Variants in RERE observed in about 807,000 individuals in gnomAD.
RERE encodes arginine-glutamic acid dipeptide repeats protein.
RERE carries 40 observed loss-of-function variants against 146.1 expected under a neutral mutation model. The ratio of observed to expected loss-of-function variants is 0.27; its 90% confidence interval spans 0.21 to 0.36. The LOEUF is 0.36. Among genes scored for constraint, RERE ranks in the 10% least tolerant of loss-of-function variants. RERE has a pLI of 1.00. For synonymous variants in RERE, 1,003 were observed against 866.0 expected (o/e 1.16, Z -2.78); for missense variants, 1,933 against 2,138.7 (o/e 0.90, Z 1.90).
chr1:8,514,725 C>T (rs552834451), intron 7 of RERE, among the ~76,000 whole-genome samples: 182 of 149,630 alleles, frequency 1.2e-3, no homozygotes, highest in African/African-American at 4.1e-3. Flanking sequence ...AATGAAACTC[C>T]GCCTCAAAAA....
intron 11 of RERE, among the ~76,000 whole-genome samples, chr1:8,451,205 TG>T (rs1644386592): frequency 1.3e-5 from 2 of 151,846 alleles, no homozygotes; most frequent in South Asian, 2.1e-4. Context: ...CTGAGGCGGG[TG>T]GATCACTTGA....
At chr1:8,642,098 G>A (rs1429997752) in intron 2 of RERE, among the ~76,000 whole-genome samples, 1 of 152,184 alleles carries the variant, frequency 6.6e-6, no homozygotes, top group Non-Finnish European at 1.5e-5. Context: ...TTTTATAGTT[G>A]AAAGAATTTG....
chr1:8,616,571 TAG>T (rs1036487713), intron 3 of RERE, among the ~76,000 whole-genome samples: 16 of 152,176 alleles, frequency 1.1e-4, no homozygotes, highest in African/African-American at 3.6e-4. Context: ...TTAGAATACC[TAG>T]AGTTTTCTGC....
At chr1:8,394,202 T>C (rs1642976767) in intron 12 of RERE, among the ~76,000 whole-genome samples, 2 of 152,182 alleles carry the variant, frequency 1.3e-5, no homozygotes, top group East Asian at 1.9e-4. Flanking sequence ...AGAGCTGAAA[T>C]CCAATGTAAA....
At chr1:8,602,807 G>A in intron 4 of RERE, among the ~76,000 whole-genome samples, 2 of 151,666 alleles carry the variant, frequency 1.3e-5, no homozygotes, top group Non-Finnish European at 2.9e-5. Flanking sequence ...TAATTTATTG[G>A]TTTAAAAGAA....
intron 1 of RERE, among the ~76,000 whole-genome samples, chr1:8,770,007 C>T (rs1640914692): frequency 6.6e-6 from 1 of 152,140 alleles, no homozygotes; most frequent in African/African-American, 2.4e-5. Flanking sequence ...CCAGATTGGT[C>T]TTGAACTCCC....
chr1:8,596,716 G>A (rs1213389454), intron 4 of RERE, among the ~76,000 whole-genome samples: 1 of 140,534 alleles, frequency 7.1e-6, no homozygotes, highest in South Asian at 2.3e-4. Context: ...TTGCTAAGTT[G>A]CCAGGGCTGG....
chr1:8,409,788 G>A (rs1643561083), intron 12 of RERE, among the ~76,000 whole-genome samples: 1 of 152,150 alleles, frequency 6.6e-6, no homozygotes, highest in African/African-American at 2.4e-5. Context: ...GCATGGACAA[G>A]TTCCTGGGGA....
chr1:8,731,333 T>C (rs918586051), intron 1 of RERE, among the ~76,000 whole-genome samples: 2 of 152,134 alleles, frequency 1.3e-5, no homozygotes, highest in African/African-American at 4.8e-5. Flanking sequence ...ATTTTGCAAT[T>C]GCTCAGAGCA....
At chr1:8,759,607 A>T (rs937165240) in intron 1 of RERE, among the ~76,000 whole-genome samples, 5 of 152,202 alleles carry the variant, frequency 3.3e-5, no homozygotes, top group Non-Finnish European at 5.9e-5. Context: ...TTTTTAAAAA[A>T]TCAAAATCTC....
intron 1 of RERE, among the ~76,000 whole-genome samples, chr1:8,729,548 G>A (rs771102233): frequency 6.6e-6 from 1 of 151,918 alleles, no homozygotes; most frequent in Non-Finnish European, 1.5e-5. Context: ...TATTTTCTAT[G>A]GTTGTTTGTC....
chr1:8,599,612 CTAATTT>C (rs1646597815), intron 4 of RERE, among the ~76,000 whole-genome samples: 1 of 152,194 alleles, frequency 6.6e-6, no homozygotes, highest in African/African-American at 2.4e-5. Flanking sequence ...CGGCTACTGA[CTAATTT>C]TAATATGAAA....
intron 6 of RERE, among the ~76,000 whole-genome samples, chr1:8,546,210 G>A (rs1645859740): frequency 6.6e-6 from 1 of 150,874 alleles, no homozygotes; most frequent in Non-Finnish European, 1.5e-5. Context: ...CAGACTCCTG[G>A]GCTCAAGCAA....
intron 12 of RERE, among the ~76,000 whole-genome samples, chr1:8,400,213 CTG>C (rs1643200315): frequency 1.2e-5 from 1 of 86,510 alleles, no homozygotes; most frequent in Non-Finnish European, 2.6e-5. Context: ...CTTTCCATTC[CTG>C]TGTCATATGT....
rs190681501 is a variant in RERE at position 8,439,208 on chromosome 1, T to C, written c.1204-16401A>G. Among the ~76,000 whole-genome samples, 60 of 152,358 alleles carry C rather than the reference T, an allele frequency of 3.9e-4. No individual in the cohort carries two copies. In the East Asian group the frequency reaches 9.6e-3, roughly 24 times the overall value. On this transcript the variant is annotated intron_variant, in intron 11 of 22. Transcript: ENST00000400908. ...GAGAGAGCCACTTGCCCACCTCTGCTCTCTGCTAAACACTACATGATTGTA... is the reference window on the plus strand; with the variant it reads ...GAGAGAGCCACTTGCCCACCTCTGCCCTCTGCTAAACACTACATGATTGTA...
In RERE at chr1:8,624,215, C is replaced by T. The variant is rs144768941; in HGVS notation, c.396+95G>A. ...CACTCAAAAGGTGAACTGGTAACCACGTCAACAGCGATGGAGGAACAATAA... is the reference window on the plus strand; with the variant it reads ...CACTCAAAAGGTGAACTGGTAACCATGTCAACAGCGATGGAGGAACAATAA... On this transcript the variant is annotated intron_variant, in intron 3 of 22. Transcript: ENST00000400908. 3,865 of 1,001,410 alleles carry T rather than the reference C, an allele frequency of 3.9e-3. 104 individuals are homozygous for T. In the African/African-American group the frequency reaches 0.055, roughly 14 times the overall value. The allele number at this position is 1,001,410 out of a possible 1,614,324, so 62.0% of individuals were successfully genotyped here. A position where few individuals can be genotyped will look rare whatever the true frequency, so the allele number is the denominator to read the frequency against.
chr1:8,474,738 G>A (rs966939788), intron 10 of RERE, among the ~76,000 whole-genome samples: 2 of 152,096 alleles, frequency 1.3e-5, no homozygotes, highest in East Asian at 1.9e-4. Context: ...CCCTTTTCCC[G>A]TGACCTTTTT....
At chr1:8,638,828 G>A (rs1259990830) in intron 2 of RERE, among the ~76,000 whole-genome samples, 2 of 124,046 alleles carry the variant, frequency 1.6e-5, no homozygotes, top group African/African-American at 3.2e-5. Flanking sequence ...TCTCGCTGTC[G>A]CCTAGGCTGG....
At chr1:8,533,317 T>G (rs1002939533) in intron 7 of RERE, among the ~76,000 whole-genome samples, 10 of 152,180 alleles carry the variant, frequency 6.6e-5, no homozygotes, top group Admixed American at 5.2e-4. Context: ...GATATTTTAT[T>G]TAAGCCTTTT....
Sources: allele counts gnomAD v4.1 joint callset (sites outside exome capture counted in the v4.1 genomes callset), GRCh38; gene constraint gnomAD v4.1.1; transcripts MANE v1.5; gene names NCBI Gene and HGNC (gene_info 2026-07-23, HGNC 2026-07-21).